The following BDKRB2 variants were observed in gnomAD, a reference collection of about 807,000 sequenced individuals.
BDKRB2 encodes the protein bradykinin receptor B2, also known as B2 bradykinin receptor.
In BDKRB2, 6 loss-of-function variants were observed where a neutral mutation model predicts 4.0. The observed-to-expected ratio is 1.49, with a 90% CI of 0.81 to 2.93. BDKRB2 has a LOEUF of 2.93. Ranked by LOEUF, BDKRB2 falls within the 30% of genes most tolerant of loss-of-function variation. The pLI, the probability that BDKRB2 is intolerant of heterozygous loss-of-function variation, is 0.00. For synonymous variants in BDKRB2, 225 were observed against 215.3 expected (o/e 1.05, Z -0.40); for missense variants, 478 against 520.1 (o/e 0.92, Z 0.79).
chr14:96,216,961 G>A (rs576316906), intron 1 of BDKRB2, among the ~76,000 whole-genome samples: 3 of 152,324 alleles, frequency 2.0e-5, no homozygotes, highest in Admixed American at 2.0e-4. Context: ...GTGGCATTGA[G>A]TGGGGTAGCT....
intron 1 of BDKRB2, among the ~76,000 whole-genome samples, chr14:96,224,890 A>G (rs1416745584): frequency 6.6e-6 from 1 of 152,248 alleles, no homozygotes; most frequent in Non-Finnish European, 1.5e-5. Context: ...GACAAAGGTC[A>G]CATGGCTAGG....
chr14:96,219,650 C>T (rs1890509438), intron 1 of BDKRB2, among the ~76,000 whole-genome samples: 1 of 152,068 alleles, frequency 6.6e-6, no homozygotes, highest in South Asian at 2.1e-4. Flanking sequence ...CTATCAGCAT[C>T]AGCATCATTA....
In BDKRB2 at chr14:96,240,748, C is replaced by T. The variant is rs754216731; in HGVS notation, c.420C>T (p.Asn140=). The T allele has an allele frequency of 6.9e-6, 11 of 1,589,312 alleles. No individual in the cohort carries two copies. Among genetic ancestry groups the T allele is most frequent in the Admixed American group, 1.8e-5 (1 of 56,402 alleles). Residue 140 remains asparagine (N), a synonymous_variant, in exon 3 of 3, where the codon AAC becomes AAT. Coordinates refer to ENST00000554311, the MANE Select transcript of BDKRB2 (RefSeq NM_001379692.1). ...TGGTGAATGCCATTATCTCCATGAA[C>T]CTGTACAGCAGCATCTGTTTCCTGA... ...CRVVNAIISM[N]LYSSICFLML... is the part of the protein sequence containing the mutation.
intron 1 of BDKRB2, among the ~76,000 whole-genome samples, chr14:96,216,011 A>G (rs1265071915): frequency 6.6e-6 from 1 of 152,202 alleles, no homozygotes; most frequent in Non-Finnish European, 1.5e-5. Flanking sequence ...GCCCTCTGCC[A>G]GACACAGGCC....
intron 1 of BDKRB2, among the ~76,000 whole-genome samples, chr14:96,218,390 A>G (rs1269772461): frequency 6.6e-6 from 1 of 152,110 alleles, no homozygotes; most frequent in African/African-American, 2.4e-5. Context: ...ATCCCCATCC[A>G]CTTCATAGTG....
Position 96,237,611 on chromosome 14 carries a change from C to T in BDKRB2, c.74+430C>T, listed in dbSNP as rs936834618. 5 of 1,224,148 alleles carry T rather than the reference C, an allele frequency of 4.1e-6. No homozygotes were observed. In the South Asian group the frequency reaches 5.8e-5, roughly 14 times the overall value. The allele number at this position is 1,224,148 out of a possible 1,614,324, so 75.8% of individuals were successfully genotyped here. On this transcript the variant is annotated intron_variant, in intron 2 of 2. Transcript: ENST00000554311. Reference sequence around the variant, plus strand: ...GAATTTAAGGGGAGGGGGAGGAGGACCTGAGCCAGAGTAGAAGCAGAGGAT... The same window carrying T: ...GAATTTAAGGGGAGGGGGAGGAGGATCTGAGCCAGAGTAGAAGCAGAGGAT...
Position 96,241,538 on chromosome 14 carries a change from A to G in BDKRB2, c.*34A>G, listed in dbSNP as rs1885293788. 6.6e-7 allele frequency: 1 copy of G among 1,506,658 alleles called. No individual in the cohort carries two copies. The highest frequency in any genetic ancestry group is 2.2e-5 in the Admixed American group (1 of 45,474). The allele number at this position is 1,506,658 out of a possible 1,614,324, so 93.3% of individuals were successfully genotyped here. On this transcript the variant is annotated 3_prime_UTR_variant, in exon 3 of 3. Coordinates refer to ENST00000554311, the MANE Select transcript of BDKRB2 (RefSeq NM_001379692.1). Reference sequence around the variant, plus strand: ...CAGCAGGGCTGCTGTGAATTTGTGTAAGGATTGAGGGACAGTTGCTTTTCA... The same window carrying G: ...CAGCAGGGCTGCTGTGAATTTGTGTGAGGATTGAGGGACAGTTGCTTTTCA...
At chr14:96,211,470 G>A (rs1434829770) in intron 1 of BDKRB2, among the ~76,000 whole-genome samples, 2 of 152,218 alleles carry the variant, frequency 1.3e-5, no homozygotes, top group Admixed American at 1.3e-4. Context: ...ACAGGTCAGG[G>A]GAGGCAGGAG....
chr14:96,207,180 T>C (rs1890205438), intron 1 of BDKRB2, among the ~76,000 whole-genome samples: 2 of 152,184 alleles, frequency 1.3e-5, no homozygotes, highest in Admixed American at 6.5e-5. Flanking sequence ...AGGGGCCTTG[T>C]CTATCCGCTC....
At chr14:96,231,916 C>T (rs1216184921) in intron 1 of BDKRB2, among the ~76,000 whole-genome samples, 2 of 152,168 alleles carry the variant, frequency 1.3e-5, no homozygotes, top group African/African-American at 2.4e-5. Flanking sequence ...AGAGGGAGAA[C>T]AGCCGCCCTC....
At chr14:96,240,326 C>T (rs938740302) in intron 2 of BDKRB2, 77 bp from the exon 3 acceptor site, 79 of 1,389,974 alleles carry the variant, frequency 5.7e-5, no homozygotes, top group Non-Finnish European at 7.1e-5. Flanking sequence ...TCCTTAACCC[C>T]TGTCTCCTTC....
intron 1 of BDKRB2, among the ~76,000 whole-genome samples, chr14:96,229,521 C>T (rs1433402450): frequency 6.6e-6 from 1 of 152,144 alleles, no homozygotes; most frequent in Non-Finnish European, 1.5e-5. Context: ...TGAGGACAAG[C>T]TTCCTTAGTG....
At chr14:96,223,461 A>T (rs1352070719) in intron 1 of BDKRB2, 1 of 661,238 alleles carries the variant, frequency 1.5e-6, no homozygotes, top group African/African-American at 1.8e-5. Context: ...TATTTAAAAG[A>T]TGTTCAATAC....
At chr14:96,227,040 C>T (rs1890712612) in intron 1 of BDKRB2, among the ~76,000 whole-genome samples, 1 of 152,188 alleles carries the variant, frequency 6.6e-6, no homozygotes, top group Non-Finnish European at 1.5e-5. Flanking sequence ...CAGGCAAAGC[C>T]CGGGCTCTTG....
chr14:96,224,238 T>A (rs1890643608), intron 1 of BDKRB2, among the ~76,000 whole-genome samples: 1 of 152,284 alleles, frequency 6.6e-6, no homozygotes, highest in Non-Finnish European at 1.5e-5. Flanking sequence ...ATTATGCTAG[T>A]CTATCTACTT....
chr14:96,229,774 G>A (rs1890775303), intron 1 of BDKRB2, among the ~76,000 whole-genome samples: 1 of 152,132 alleles, frequency 6.6e-6, no homozygotes, highest in Non-Finnish European at 1.5e-5. Flanking sequence ...GGTCCTTGGA[G>A]ATCAGGGAGT....
At chr14:96,221,731 G>C (rs1890566573) in intron 1 of BDKRB2, among the ~76,000 whole-genome samples, 1 of 151,994 alleles carries the variant, frequency 6.6e-6, no homozygotes, top group South Asian at 2.1e-4. Flanking sequence ...GGCTGGGTAA[G>C]GACAAAGGAC....
intron 1 of BDKRB2, among the ~76,000 whole-genome samples, chr14:96,227,434 C>G (rs147885590): frequency 2.0e-5 from 3 of 152,102 alleles, no homozygotes; most frequent in Non-Finnish European, 2.9e-5. Flanking sequence ...AGGGAGTGGG[C>G]CTCAGTCATG....
At chr14:96,236,834 T>C (rs561274711) in intron 1 of BDKRB2, among the ~76,000 whole-genome samples, 96 of 152,326 alleles carry the variant, frequency 6.3e-4, no homozygotes, top group Middle Eastern at 3.4e-3. Flanking sequence ...TGCTTGATTT[T>C]TCACTGTACT....
Sources: gnomAD v4.1 joint callset for allele counts (sites outside exome capture counted in the v4.1 genomes callset) on GRCh38, gnomAD v4.1.1 for gene constraint, MANE v1.5 for transcripts, NCBI Gene and HGNC (gene_info 2026-07-23, HGNC 2026-07-21) for gene names.